GASK1A: variants seen among roughly 807,000 people sequenced by gnomAD.
GASK1A encodes the protein Golgi-associated kinase 1A.
In GASK1A, 40 loss-of-function variants were observed where a neutral mutation model predicts 41.2. That is an observed-to-expected ratio of 0.97 (90% CI 0.75 to 1.27). The LOEUF is 1.27. Among genes scored for constraint, GASK1A ranks in the 50% most tolerant of loss-of-function variants. The pLI is 0.00. For missense variants in GASK1A, 678 were observed against 745.1 expected (o/e 0.91, Z 1.05); for synonymous variants, 316 against 307.1 (o/e 1.03, Z -0.30).
intron 2 of GASK1A, among the ~76,000 whole-genome samples, chr3:43,042,637 T>A (rs1230970078): frequency 6.6e-6 from 1 of 152,238 alleles, no homozygotes; most frequent in Non-Finnish European, 1.5e-5. Flanking sequence ...GTGATTCTTC[T>A]TAGCTTTCTT....
chr3:42,985,018 C>T (rs572858366), intron 1 of GASK1A, among the ~76,000 whole-genome samples: 40 of 152,240 alleles, frequency 2.6e-4, no homozygotes, highest in African/African-American at 9.4e-4. Flanking sequence ...AGCTCAGGCT[C>T]TGGAGCTTCT....
chr3:43,053,177 A>T (rs1299796200), intron 2 of GASK1A, among the ~76,000 whole-genome samples: 1 of 152,218 alleles, frequency 6.6e-6, no homozygotes, highest in Admixed American at 6.5e-5. Context: ...AAATAGAGTG[A>T]TGTGGAATCT....
chr3:43,034,397 G>C (rs1042312200), intron 2 of GASK1A, among the ~76,000 whole-genome samples: 1 of 152,200 alleles, frequency 6.6e-6, no homozygotes, highest in Non-Finnish European at 1.5e-5. Context: ...GGGACTACAG[G>C]CACCAGCTAT....
At chr3:43,029,569 T>A (rs1049048158) in intron 1 of GASK1A, among the ~76,000 whole-genome samples, 1 of 152,070 alleles carries the variant, frequency 6.6e-6, no homozygotes, top group Non-Finnish European at 1.5e-5. Context: ...ATGAGGGAGC[T>A]GGTCCAGAGA....
At chr3:43,005,394 TG>T (rs1001520507) in intron 1 of GASK1A, among the ~76,000 whole-genome samples, 1 of 152,202 alleles carries the variant, frequency 6.6e-6, no homozygotes, top group African/African-American at 2.4e-5. Context: ...TTCATTTGTG[TG>T]TTGTACTGAG....
At position 43,057,268 on chromosome 3, in the gene GASK1A, C is replaced by G. The variant is rs2089720780; in HGVS notation, c.*882C>G. 6.6e-6 allele frequency: 1 copy of G among 152,322 alleles called. No homozygotes were observed. Among genetic ancestry groups the G allele is most frequent in the South Asian group, 2.1e-4 (1 of 4,818 alleles). 9.4% of individuals were successfully genotyped at this position (152,322 alleles called of 1,614,324 possible). On this transcript the variant is annotated 3_prime_UTR_variant, in exon 5 of 5. Coordinates refer to ENST00000430121, the MANE Select transcript of GASK1A (RefSeq NM_001129908.3). Reference sequence around the variant, plus strand: ...TTTCATCAATTACAGACATTGCCGCCATGAACATGATTGCATGGCGTGCAA... The same window carrying G: ...TTTCATCAATTACAGACATTGCCGCGATGAACATGATTGCATGGCGTGCAA...
At chr3:43,040,097 T>C (rs2089628446) in intron 2 of GASK1A, among the ~76,000 whole-genome samples, 2 of 152,246 alleles carry the variant, frequency 1.3e-5, no homozygotes, top group South Asian at 2.1e-4. Flanking sequence ...GCTATTCTCA[T>C]TTCAGCGTTA....
Position 43,055,522 on chromosome 3 carries a change from G to C in GASK1A, c.1504G>C (p.Glu502Gln). ...PEDKLNFRLL[E>Q]GIDGFPESAV... ...GGACAAGCTGAACTTTCGGCTGCTGGAGGGCATAGATGGGTGAGGGTCAAA... is the reference window on the plus strand; with the variant it reads ...GGACAAGCTGAACTTTCGGCTGCTGCAGGGCATAGATGGGTGAGGGTCAAA... Residue 502 changes from glutamate to glutamine, a missense_variant, in exon 4 of 5, where the codon GAG becomes CAG. By Grantham distance (29) the Glu-to-Gln change is conservative. Transcript: ENST00000430121. 6.4e-7 allele frequency: 1 copy of C among 1,551,878 alleles called. No homozygotes were observed.
intron 1 of GASK1A, among the ~76,000 whole-genome samples, chr3:42,996,134 A>G (rs1457324179): frequency 6.6e-6 from 1 of 152,186 alleles, no homozygotes; most frequent in Non-Finnish European, 1.5e-5. Context: ...GGGACATAAG[A>G]GACACTCCGT....
Position 43,037,923 on chromosome 3 carries a change from T to A in GASK1A, c.1290+4370T>A, listed in dbSNP as rs372513676. Among the ~76,000 whole-genome samples the A allele has an allele frequency of 3.9e-5, 6 of 152,306 alleles. No individual in the cohort carries two copies. In the East Asian group the frequency reaches 7.7e-4, roughly 20 times the overall value. On this transcript the variant is annotated intron_variant, in intron 2 of 4. Coordinates refer to ENST00000430121, the MANE Select transcript of GASK1A (RefSeq NM_001129908.3). ...TTGATTTTTATGATTATGAAAGAAA[T>A]AAGGAACAACCACAGTTTTTCTTTC...
chr3:42,985,223 G>T (rs1240404840), intron 1 of GASK1A, among the ~76,000 whole-genome samples: 3 of 152,044 alleles, frequency 2.0e-5, no homozygotes, highest in Non-Finnish European at 4.4e-5. Context: ...CGGTTATAGG[G>T]GCCTCACTCT....
chr3:43,011,020 A>G (rs972943984), intron 1 of GASK1A, among the ~76,000 whole-genome samples: 1 of 152,168 alleles, frequency 6.6e-6, no homozygotes, highest in Non-Finnish European at 1.5e-5. Context: ...TTAAGGTAAA[A>G]TATCTATAGT....
intron 1 of GASK1A, among the ~76,000 whole-genome samples, chr3:43,007,480 C>T (rs1229905117): frequency 6.6e-6 from 1 of 152,094 alleles, no homozygotes; most frequent in Non-Finnish European, 1.5e-5. Flanking sequence ...CTTCTTAAGT[C>T]GACTTTCAGC....
At chr3:43,021,816 C>G (rs1002408975) in intron 1 of GASK1A, among the ~76,000 whole-genome samples, 1 of 152,214 alleles carries the variant, frequency 6.6e-6, no homozygotes, top group African/African-American at 2.4e-5. Flanking sequence ...AGCTACCCCC[C>G]TGTTTTCACT....
chr3:42,993,485 T>C (rs796397949), intron 1 of GASK1A, among the ~76,000 whole-genome samples: 13 of 152,376 alleles, frequency 8.5e-5, no homozygotes, highest in African/African-American at 2.9e-4. Flanking sequence ...TTAGAAGATC[T>C]GGATAATTAT....
At chr3:42,999,154 C>A (rs2089393146) in intron 1 of GASK1A, among the ~76,000 whole-genome samples, 1 of 152,078 alleles carries the variant, frequency 6.6e-6, no homozygotes, top group South Asian at 2.1e-4. Flanking sequence ...GTGTGACAAT[C>A]TGATTGAACT....
At chr3:43,039,639 T>G (rs1213030247) in intron 2 of GASK1A, among the ~76,000 whole-genome samples, 1 of 152,222 alleles carries the variant, frequency 6.6e-6, no homozygotes, top group African/African-American at 2.4e-5. Context: ...AGCATAGGAC[T>G]CGATAGGTAG....
At chr3:42,981,569 C>A (rs2089283136) in intron 1 of GASK1A, among the ~76,000 whole-genome samples, 1 of 152,072 alleles carries the variant, frequency 6.6e-6, no homozygotes, top group African/African-American at 2.4e-5. Context: ...GTTCTCAGCC[C>A]TGACTCAGGC....
intron 1 of GASK1A, among the ~76,000 whole-genome samples, chr3:43,005,303 T>A (rs1294542307): frequency 6.6e-6 from 1 of 152,242 alleles, no homozygotes; most frequent in Non-Finnish European, 1.5e-5. Context: ...TTGGTTTCAC[T>A]TTCCACAGTT....
Sources: allele counts gnomAD v4.1 joint callset (sites outside exome capture counted in the v4.1 genomes callset), GRCh38; gene constraint gnomAD v4.1.1; transcripts MANE v1.5; gene names NCBI Gene and HGNC (gene_info 2026-07-23, HGNC 2026-07-21).